ATRNL1: variants seen among roughly 807,000 people sequenced by gnomAD.
ATRNL1 encodes attractin-like protein 1.
Under a neutral mutation model 182.7 loss-of-function variants are expected in ATRNL1, and 95 were observed. That is an observed-to-expected ratio of 0.52 (90% confidence interval 0.44 to 0.62). The LOEUF is 0.62. Ranked by LOEUF, ATRNL1 falls within the 20% of genes least tolerant of loss-of-function variation. The pLI is 0.00. For missense variants in ATRNL1, 1,471 were observed against 1,679.5 expected (o/e 0.88, Z 2.17); for synonymous variants, 576 against 568.3 (o/e 1.01, Z -0.19).
At chr10:115,205,847 A>G (rs1432605198) in intron 8 of ATRNL1, among the ~76,000 whole-genome samples, 2 of 152,056 alleles carry the variant, frequency 1.3e-5, no homozygotes, top group African/African-American at 4.8e-5. Flanking sequence ...GCTTTCAACC[A>G]TCAAGCATAC....
chr10:115,413,339 G>T (rs576144930), intron 20 of ATRNL1, among the ~76,000 whole-genome samples: 4 of 151,988 alleles, frequency 2.6e-5, no homozygotes, highest in Admixed American at 2.6e-4. Flanking sequence ...TGAATTAAAC[G>T]TGGAACAAAT....
chr10:115,251,094 A>G (rs1850858020), intron 10 of ATRNL1, among the ~76,000 whole-genome samples: 1 of 152,176 alleles, frequency 6.6e-6, no homozygotes, highest in Non-Finnish European at 1.5e-5. Context: ...ATAAAGATAT[A>G]CATCTTGCAC....
At chr10:115,487,923 T>G (rs1386139274) in intron 24 of ATRNL1, among the ~76,000 whole-genome samples, 2 of 152,200 alleles carry the variant, frequency 1.3e-5, no homozygotes, top group Non-Finnish European at 2.9e-5. Context: ...TATTGAGAGT[T>G]TTTAGTATGA....
intron 5 of ATRNL1, 32 bp downstream of exon 5, chr10:115,129,567 C>T (rs1471894473): frequency 6.4e-7 from 1 of 1,560,154 alleles, no homozygotes; most frequent in Non-Finnish European, 8.8e-7. Flanking sequence ...GCTTTTGAAA[C>T]ATTGATTCAT....
chr10:115,729,522 TG>T (rs1555061947), intron 27 of ATRNL1, among the ~76,000 whole-genome samples: 1 of 151,734 alleles, frequency 6.6e-6, no homozygotes, highest in East Asian at 1.9e-4. Context: ...TGTGTGTGTG[TG>T]TGTGTGTGTG....
intron 19 of ATRNL1, among the ~76,000 whole-genome samples, chr10:115,352,249 A>G (rs1554941637): frequency 6.6e-6 from 1 of 151,616 alleles, no homozygotes; most frequent in African/African-American, 2.4e-5. Context: ...TTTTTTCCCA[A>G]ATAACTTCTC....
intron 26 of ATRNL1, among the ~76,000 whole-genome samples, chr10:115,615,765 TG>T (rs1463577426): frequency 2.6e-5 from 4 of 152,190 alleles, no homozygotes; most frequent in African/African-American, 9.6e-5. Context: ...CTTCAGCTTT[TG>T]CCATGATTGT....
At chr10:115,885,276 A>G (rs1951917600) in intron 28 of ATRNL1, among the ~76,000 whole-genome samples, 1 of 152,240 alleles carries the variant, frequency 6.6e-6, no homozygotes, top group African/African-American at 2.4e-5. Flanking sequence ...CATGTCAAGA[A>G]TTGATAATAA....
chr10:115,714,520 G>A (rs574326068), intron 26 of ATRNL1, among the ~76,000 whole-genome samples: 2 of 152,138 alleles, frequency 1.3e-5, no homozygotes, highest in East Asian at 1.9e-4. Context: ...TCTGCCAGGC[G>A]GCCCATTTTA....
intron 13 of ATRNL1, among the ~76,000 whole-genome samples, chr10:115,268,916 G>T (rs61682974): frequency 1.6e-3 from 237 of 152,274 alleles, no homozygotes; most frequent in African/African-American, 5.5e-3. Flanking sequence ...ATACATTAGT[G>T]GTTCTCAAGT....
intron 26 of ATRNL1, among the ~76,000 whole-genome samples, chr10:115,603,325 G>C (rs544081069): frequency 2.0e-5 from 3 of 151,858 alleles, no homozygotes; most frequent in African/African-American, 7.3e-5. Flanking sequence ...TGCTAATATC[G>C]CCTGGGAAAT....
chr10:115,278,955 C>T (rs139646848), intron 13 of ATRNL1, among the ~76,000 whole-genome samples: 1 of 152,120 alleles, frequency 6.6e-6, no homozygotes, highest in Non-Finnish European at 1.5e-5. Context: ...GTAATCCCAG[C>T]ACTTTGGGAG....
At chr10:115,131,663 G>A (rs1438109262) in intron 5 of ATRNL1, among the ~76,000 whole-genome samples, 2 of 152,106 alleles carry the variant, frequency 1.3e-5, no homozygotes, top group South Asian at 2.1e-4. Context: ...GTGAAAATGC[G>A]GACTGCCGAG....
intron 8 of ATRNL1, among the ~76,000 whole-genome samples, chr10:115,210,429 A>C (rs1389513760): frequency 1.3e-5 from 2 of 151,922 alleles, no homozygotes; most frequent in Admixed American, 1.3e-4. Context: ...GATACAGAGT[A>C]GTTCTTCACC....
At chr10:115,148,898 C>T (rs1050347998) in intron 5 of ATRNL1, among the ~76,000 whole-genome samples, 9 of 151,874 alleles carry the variant, frequency 5.9e-5, no homozygotes, top group African/African-American at 1.7e-4. Context: ...TACAGGTGTG[C>T]GCCACCACAC....
intron 28 of ATRNL1, among the ~76,000 whole-genome samples, chr10:115,876,384 C>A (rs1555107236): frequency 6.6e-6 from 1 of 152,168 alleles, no homozygotes; most frequent in Admixed American, 6.5e-5. Context: ...TCCTTCATGT[C>A]ACCAAGTCTT....
At chr10:115,458,492 T>G (rs1400008475) in intron 21 of ATRNL1, among the ~76,000 whole-genome samples, 1 of 152,110 alleles carries the variant, frequency 6.6e-6, no homozygotes, top group Non-Finnish European at 1.5e-5. Context: ...TGATTGACAT[T>G]AGGATTGATC....
At chr10:115,161,774 G>T (rs1846796542) in intron 6 of ATRNL1, among the ~76,000 whole-genome samples, 1 of 152,032 alleles carries the variant, frequency 6.6e-6, no homozygotes, top group African/African-American at 2.4e-5. Flanking sequence ...TAATTGTGTT[G>T]CTGTTTTCAC....
chr10:115,704,175 G>A (rs1432008735), intron 26 of ATRNL1, among the ~76,000 whole-genome samples: 2 of 151,848 alleles, frequency 1.3e-5, no homozygotes, highest in Non-Finnish European at 2.9e-5. Context: ...ATATCAGTAG[G>A]GTTGTTTCCT....
Sources: allele counts gnomAD v4.1 joint callset (sites outside exome capture counted in the v4.1 genomes callset), GRCh38; gene constraint gnomAD v4.1.1; transcripts MANE v1.5; gene names NCBI Gene and HGNC (gene_info 2026-07-23, HGNC 2026-07-21).